GOSR1: variants seen among roughly 807,000 people sequenced by gnomAD.
GOSR1 encodes golgi SNAP receptor complex member 1, also known as 28 kDa Golgi SNARE protein.
Under a neutral mutation model 35.5 loss-of-function variants are expected in GOSR1, and 21 were observed. The observed-to-expected ratio is 0.59, with a 90% confidence interval of 0.42 to 0.85. GOSR1 has a LOEUF of 0.85. Ranked by LOEUF, GOSR1 falls within the 40% of genes least tolerant of loss-of-function variation. The pLI is 0.00. For synonymous variants in GOSR1, 94 were observed against 106.6 expected, an observed-to-expected ratio of 0.88 and a Z score of 0.73; for missense variants, 285 against 309.6, an observed-to-expected ratio of 0.92 and a Z score of 0.60.
intron 5 of GOSR1, among the ~76,000 whole-genome samples, chr17:30,491,050 T>G (rs1915010433): frequency 6.6e-6 from 1 of 152,222 alleles, no homozygotes; most frequent in South Asian, 2.1e-4. Flanking sequence ...TAGAGATCCT[T>G]TATTTTATTG....
chr17:30,496,148 T>C (rs565821677), intron 6 of GOSR1, among the ~76,000 whole-genome samples: 1 of 152,314 alleles, frequency 6.6e-6, no homozygotes, highest in South Asian at 2.1e-4. Flanking sequence ...GGATGGAATA[T>C]TTGTCCTGAG....
At position 30,524,896 on chromosome 17, in the gene GOSR1, T is replaced by C. The variant is rs1968158477; in HGVS notation, c.*2518T>C. 6.6e-6 allele frequency: 1 copy of C among 152,222 alleles called. No individual in the cohort carries two copies. Among genetic ancestry groups the C allele is most frequent in the African/African-American group, 2.4e-5 (1 of 41,460 alleles). 9.4% of individuals were successfully genotyped at this position (152,222 alleles called of 1,614,324 possible). On this transcript the variant is annotated 3_prime_UTR_variant, in exon 9 of 9. Coordinates refer to ENST00000451249, the MANE Select transcript of GOSR1 (RefSeq NM_001007025.2). Reference sequence around the variant, plus strand: ...TAAGCATTTCCAAACATCCAGAGAATGGTTTCACTGTTGAGGGTGCATGTG... The same window carrying C: ...TAAGCATTTCCAAACATCCAGAGAACGGTTTCACTGTTGAGGGTGCATGTG...
At chr17:30,514,551 A>G (rs1967730292) in intron 7 of GOSR1, among the ~76,000 whole-genome samples, 1 of 152,218 alleles carries the variant, frequency 6.6e-6, no homozygotes, top group Non-Finnish European at 1.5e-5. Flanking sequence ...TTGCTTCTAA[A>G]GTCCAGGCTG....
At chr17:30,521,262 A>G (rs1459827446) in intron 8 of GOSR1, among the ~76,000 whole-genome samples, 1 of 139,998 alleles carries the variant, frequency 7.1e-6, no homozygotes, top group Non-Finnish European at 1.5e-5. Flanking sequence ...GCTCACTGCA[A>G]CCTCCAGCCT....
At chr17:30,490,547 T>C (rs1019302680) in intron 5 of GOSR1, among the ~76,000 whole-genome samples, 1 of 152,138 alleles carries the variant, frequency 6.6e-6, no homozygotes, top group Non-Finnish European at 1.5e-5. Context: ...TATGATCCTC[T>C]GCAGATGTGT....
At chr17:30,502,027 C>T (rs1215371677) in intron 6 of GOSR1, among the ~76,000 whole-genome samples, 3 of 152,190 alleles carry the variant, frequency 2.0e-5, no homozygotes, top group Non-Finnish European at 2.9e-5. Flanking sequence ...ATTATTCAGT[C>T]ATACAAAGTA....
At chr17:30,477,841 G>A in intron 1 of GOSR1, 1 of 985,344 alleles carries the variant, frequency 1.0e-6, no homozygotes, top group Non-Finnish European at 1.2e-6. Context: ...CAGAGCCCCG[G>A]AGACTGGAGG....
intron 5 of GOSR1, among the ~76,000 whole-genome samples, chr17:30,491,932 T>C (rs1459617573): frequency 6.6e-6 from 1 of 152,138 alleles, no homozygotes; most frequent in African/African-American, 2.4e-5. Context: ...TTCTTGGTTA[T>C]ATTATTCTGC....
rs1051983335 is a variant in GOSR1, at chr17:30,477,693, A to G, written c.31+229A>G. 1.1e-5 allele frequency: 11 copies of G among 985,198 alleles called. No homozygotes were observed. In the African/African-American group the frequency reaches 1.9e-4, roughly 17 times the overall value. 61.0% of individuals were successfully genotyped at this position (985,198 alleles called of 1,614,324 possible). ...GCGGGACGTGGGGCAGGGGTTGGGC[A>G]GAGTGGACAGAGCGGGGATGTAGAG... On this transcript the variant is annotated intron_variant, in intron 1 of 8. Transcript: ENST00000451249.
intron 6 of GOSR1, among the ~76,000 whole-genome samples, chr17:30,498,913 C>T (rs1473665583): frequency 3.9e-5 from 6 of 152,108 alleles, no homozygotes; most frequent in African/African-American, 7.2e-5. Context: ...CAGTTTGGTA[C>T]GTTTTAACAA....
rs563437749 is a variant in GOSR1, at chr17:30,504,437, A to G, written c.510-6443A>G. On this transcript the variant is annotated intron_variant, in intron 6 of 8. Coordinates refer to ENST00000451249, the MANE Select transcript of GOSR1 (RefSeq NM_001007025.2). ...GAGGATAGTTGTCAATCTCAAATAT[A>G]TAAAATGACCAATTTCAGTGACCAT... is the stretch of plus-strand genomic sequence containing the variant. Among the ~76,000 whole-genome samples, 13 of 152,360 alleles carry G rather than the reference A, an allele frequency of 8.5e-5. No individual in the cohort carries two copies. The East Asian group carries it at 2.5e-3, about 29-fold the overall frequency.
At chr17:30,501,889 A>G (rs920654596) in intron 6 of GOSR1, among the ~76,000 whole-genome samples, 3 of 152,288 alleles carry the variant, frequency 2.0e-5, no homozygotes, top group Non-Finnish European at 4.4e-5. Context: ...ACTTACATTT[A>G]CACAAAAACC....
intron 6 of GOSR1, among the ~76,000 whole-genome samples, chr17:30,503,755 G>A (rs1437438041): frequency 2.0e-5 from 3 of 152,148 alleles, no homozygotes; most frequent in Non-Finnish European, 4.4e-5. Context: ...AATGTGTGTG[G>A]AATTCCTGTG....
At chr17:30,500,920 G>A (rs1017061410) in intron 6 of GOSR1, among the ~76,000 whole-genome samples, 1 of 142,218 alleles carries the variant, frequency 7.0e-6, no homozygotes, top group Non-Finnish European at 1.5e-5. Context: ...TCGCTCTGTC[G>A]CCCAGGCTGG....
intron 7 of GOSR1, 48 bp downstream of exon 7, chr17:30,510,957 C>T (rs775631241): frequency 2.0e-5 from 23 of 1,149,748 alleles, no homozygotes; most frequent in Middle Eastern, 2.0e-4. Flanking sequence ...TTTGTTTGCA[C>T]GTAAATTTAA....
intron 4 of GOSR1, among the ~76,000 whole-genome samples, chr17:30,487,145 A>T (rs1374113931): frequency 6.6e-6 from 1 of 152,220 alleles, no homozygotes; most frequent in East Asian, 1.9e-4. Flanking sequence ...CAGAGTTTAT[A>T]TGTAGACCCA....
intron 6 of GOSR1, among the ~76,000 whole-genome samples, chr17:30,497,455 A>C (rs1269323469): frequency 1.3e-5 from 2 of 152,154 alleles, no homozygotes; most frequent in Admixed American, 1.3e-4. Flanking sequence ...TGGGGTAAGA[A>C]CCTTTAAATT....
chr17:30,515,294 ATTTT>A (rs35911853), intron 7 of GOSR1, among the ~76,000 whole-genome samples: 7 of 139,542 alleles, frequency 5.0e-5, no homozygotes, highest in Admixed American at 7.1e-5. Context: ...TGCCCAGCTA[ATTTT>A]TTTTTTTTTT....
chr17:30,507,383 T>C (rs1967439620), intron 6 of GOSR1, among the ~76,000 whole-genome samples: 1 of 152,142 alleles, frequency 6.6e-6, no homozygotes, highest in Non-Finnish European at 1.5e-5. Flanking sequence ...AGAAAATAAC[T>C]GCGGATGTGG....
Sources: gnomAD v4.1 joint callset for allele counts (sites outside exome capture counted in the v4.1 genomes callset) on GRCh38, gnomAD v4.1.1 for gene constraint, MANE v1.5 for transcripts, NCBI Gene and HGNC (gene_info 2026-07-23, HGNC 2026-07-21) for gene names.